Variants in BICC1 observed in about 807,000 individuals in gnomAD.
BICC1 encodes the protein protein bicaudal C homolog 1.
Under a neutral mutation model 111.0 loss-of-function variants are expected in BICC1, and 43 were observed. The observed-to-expected ratio is 0.39, with a 90% confidence interval of 0.30 to 0.50. The LOEUF (loss-of-function observed/expected upper bound fraction) is 0.50, where lower values mean the gene tolerates loss of function less well. Among genes scored for constraint, BICC1 ranks in the 20% least tolerant of loss-of-function variants. The probability of loss-of-function intolerance (pLI) is 0.88; values close to 1 mark genes in which losing one functional copy is unlikely to be tolerated. For missense variants in BICC1, 1,091 were observed against 1,203.2 expected, an observed-to-expected ratio of 0.91 and a Z score of 1.38; for synonymous variants, 467 against 434.4, an observed-to-expected ratio of 1.07 and a Z score of -0.93.
intron 3 of BICC1, among the ~76,000 whole-genome samples, chr10:58,736,387 A>T (rs1031355847): frequency 1.6e-3 from 2 of 1,232 alleles, no homozygotes; most frequent in Non-Finnish European, 8.4e-3. Context: ...AGAAAAAACA[A>T]CATATGTAGA....
At chr10:58,544,966 A>G (rs1263672895) in intron 1 of BICC1, among the ~76,000 whole-genome samples, 4 of 152,136 alleles carry the variant, frequency 2.6e-5, no homozygotes, top group Admixed American at 6.6e-5. Flanking sequence ...GAAGAGACAC[A>G]GAGAAAAGAC....
chr10:58,775,403 AAAAC>A (rs1400843302), intron 3 of BICC1, among the ~76,000 whole-genome samples: 2 of 151,992 alleles, frequency 1.3e-5, no homozygotes, highest in African/African-American at 2.4e-5. Context: ...AAAACAAAAA[AAAAC>A]AAACAAAAAA....
rs1173173225 is a variant in BICC1, at chr10:58,830,963, T to A, written c.*2072T>A. 6.6e-6 allele frequency: 1 copy of A among 152,210 alleles called. No homozygotes were observed. Among genetic ancestry groups the A allele is most frequent in the Non-Finnish European group, 1.5e-5 (1 of 68,046 alleles). 9.4% of individuals were successfully genotyped at this position (152,210 alleles called of 1,614,324 possible). A position where few individuals can be genotyped will look rare whatever the true frequency, so the allele number is the denominator to read the frequency against. On this transcript the variant is annotated 3_prime_UTR_variant, in exon 21 of 21. Coordinates refer to ENST00000373886, the MANE Select transcript of BICC1 (RefSeq NM_001080512.3). ...CCAGATAATAATCTTGGAGCTCTTT[T>A]CCCAGCTGTCTACCATGCATTTGCA...
At chr10:58,672,831 T>C (rs1240422646) in intron 2 of BICC1, among the ~76,000 whole-genome samples, 1 of 152,182 alleles carries the variant, frequency 6.6e-6, no homozygotes, top group East Asian at 1.9e-4. Flanking sequence ...TGTTGGAAAT[T>C]GAGGTTATAT....
chr10:58,820,416 G>A lies in BICC1; in HGVS notation c.2742G>A (p.Glu914=). ...CTCTCACAGATCAGGATCTGAAGGA[G>A]CTGGGAATAACTACTTTTGGTGCCA... ...FLTLTDQDLK[E]LGITTFGARR... Residue 914 remains glutamate (E), a synonymous_variant, in exon 20 of 21, where the codon GAG becomes GAA. Transcript: ENST00000373886. The A allele has an allele frequency of 6.2e-7, 1 of 1,612,214 alleles. No individual in the cohort carries two copies. Among genetic ancestry groups the A allele is most frequent in the East Asian group, 2.2e-5 (1 of 44,830 alleles).
At chr10:58,740,565 A>G (rs1468740812) in intron 3 of BICC1, among the ~76,000 whole-genome samples, 1 of 152,186 alleles carries the variant, frequency 6.6e-6, no homozygotes, top group Non-Finnish European at 1.5e-5. Context: ...TGTTTAGTCA[A>G]GAGTCATTAT....
intron 1 of BICC1, among the ~76,000 whole-genome samples, chr10:58,548,391 C>T (rs1843196834): frequency 6.6e-6 from 1 of 152,196 alleles, no homozygotes; most frequent in Non-Finnish European, 1.5e-5. Context: ...TAAGGATGCT[C>T]AGGTCAGCAT....
At chr10:58,686,893 A>C (rs145884889) in intron 2 of BICC1, among the ~76,000 whole-genome samples, 1 of 152,194 alleles carries the variant, frequency 6.6e-6, no homozygotes, top group Non-Finnish European at 1.5e-5. Context: ...GTCATTGTCC[A>C]TCTAGCTTTG....
intron 2 of BICC1, among the ~76,000 whole-genome samples, chr10:58,676,357 C>A (rs901157011): frequency 6.6e-6 from 1 of 152,200 alleles, no homozygotes; most frequent in African/African-American, 2.4e-5. Flanking sequence ...TGGAGCCCAA[C>A]AAGCTAAGAT....
chr10:58,681,692 G>A (rs1278493383), intron 2 of BICC1, among the ~76,000 whole-genome samples: 2 of 152,052 alleles, frequency 1.3e-5, no homozygotes, highest in Non-Finnish European at 2.9e-5. Flanking sequence ...CTTCAAGAAC[G>A]AAGCCGTGGA....
rs898091543 is a variant in BICC1, at chr10:58,518,480, C to G, written c.190+5147C>G. Among the ~76,000 whole-genome samples, 14 of 151,278 alleles carry G rather than the reference C, an allele frequency of 9.3e-5. 1 individual carries two copies. Among genetic ancestry groups the G allele is most frequent in the Admixed American group, 9.3e-4 (14 of 15,130 alleles). On this transcript the variant is annotated intron_variant, in intron 1 of 20. Coordinates refer to ENST00000373886, the MANE Select transcript of BICC1 (RefSeq NM_001080512.3). ...AAACATCAGTTCAGATGCAGCAGTA[C>G]TGTCTCACATGATGGATAAAGATTT... is the stretch of plus-strand genomic sequence containing the variant.
chr10:58,819,775 C>G (rs1322680685), intron 19 of BICC1, among the ~76,000 whole-genome samples: 2 of 152,162 alleles, frequency 1.3e-5, no homozygotes, highest in African/African-American at 4.8e-5. Context: ...TACACACTAT[C>G]TTTAAAGGAA....
intron 1 of BICC1, among the ~76,000 whole-genome samples, chr10:58,585,689 T>C (rs1460315357): frequency 6.6e-6 from 1 of 152,188 alleles, no homozygotes; most frequent in Non-Finnish European, 1.5e-5. Context: ...TGAAGTGTGC[T>C]TTATGTTTTT....
intron 2 of BICC1, among the ~76,000 whole-genome samples, chr10:58,697,252 G>T (rs910750321): frequency 3.9e-5 from 6 of 152,058 alleles, no homozygotes; most frequent in Non-Finnish European, 8.8e-5. Flanking sequence ...GATTTTTTGG[G>T]AATTAATTGG....
intron 1 of BICC1, among the ~76,000 whole-genome samples, chr10:58,557,329 G>A (rs777546812): frequency 7.0e-5 from 10 of 142,816 alleles, no homozygotes; most frequent in Non-Finnish European, 1.5e-4. Flanking sequence ...GCAATTTAGT[G>A]ATATATGACA....
At chr10:58,545,535 G>A (rs1235802697) in intron 1 of BICC1, among the ~76,000 whole-genome samples, 9 of 152,136 alleles carry the variant, frequency 5.9e-5, no homozygotes, top group Non-Finnish European at 1.5e-5. Context: ...TGGAAAGTCA[G>A]AATCAGAACA....
At chr10:58,538,239 A>G (rs1261796377) in intron 1 of BICC1, among the ~76,000 whole-genome samples, 1 of 152,018 alleles carries the variant, frequency 6.6e-6, no homozygotes, top group Non-Finnish European at 1.5e-5. Flanking sequence ...ACAGGGCTAT[A>G]GTTACCAAAA....
intron 3 of BICC1, among the ~76,000 whole-genome samples, chr10:58,771,989 G>T (rs894375950): frequency 8.5e-5 from 13 of 152,186 alleles, no homozygotes; most frequent in Non-Finnish European, 2.9e-5. Context: ...AAGAAAGCAT[G>T]CCAGGAGTGG....
chr10:58,639,397 AT>A (rs5785335), intron 2 of BICC1, among the ~76,000 whole-genome samples: 99 of 138,504 alleles, frequency 7.1e-4, no homozygotes, highest in African/African-American at 2.2e-3. Flanking sequence ...TGCCATTTAA[AT>A]TTTTTTTTTT....
Sources: gnomAD v4.1 joint callset for allele counts (sites outside exome capture counted in the v4.1 genomes callset) on GRCh38, gnomAD v4.1.1 for gene constraint, MANE v1.5 for transcripts, NCBI Gene and HGNC (gene_info 2026-07-23, HGNC 2026-07-21) for gene names.